Variants in SERPINB7 observed in about 807,000 individuals in gnomAD.
The protein encoded by SERPINB7 is serpin family B member 7, also known as serpin B7.
A neutral mutation model predicts 37.4 loss-of-function variants in SERPINB7; 31 were observed. The observed-to-expected ratio is 0.83, with a 90% CI of 0.62 to 1.12. The LOEUF (loss-of-function observed/expected upper bound fraction) is 1.12, where lower values mean the gene tolerates loss of function less well. Among genes scored for constraint, SERPINB7 ranks in the 50% most tolerant of loss-of-function variants. SERPINB7 has a pLI of 0.00. For synonymous variants in SERPINB7, 163 were observed against 166.1 expected (o/e 0.98, Z 0.14); for missense variants, 521 against 455.3 (o/e 1.14, Z -1.31).
chr18:63,788,967 T>A (rs891491308), intron 2 of SERPINB7, among the ~76,000 whole-genome samples: 3 of 152,150 alleles, frequency 2.0e-5, no homozygotes, highest in Non-Finnish European at 4.4e-5. Flanking sequence ...ACCATACATT[T>A]CTCAGAAAGA....
upstream of SERPINB7, among the ~76,000 whole-genome samples, chr18:63,771,187 T>C (rs2049209218): frequency 6.6e-6 from 1 of 152,040 alleles, no homozygotes; most frequent in Non-Finnish European, 1.5e-5. Context: ...GAAAGGTATT[T>C]AGTTGCTGAT....
chr18:63,803,600 A>G (rs938483680), intron 7 of SERPINB7, among the ~76,000 whole-genome samples: 22 of 152,198 alleles, frequency 1.4e-4, no homozygotes, highest in Admixed American at 3.9e-4. Context: ...TAGCTGTGTA[A>G]CTAAGGTTGC....
chr18:63,783,117 G>A (rs1251363682), intron 2 of SERPINB7, among the ~76,000 whole-genome samples: 1 of 151,356 alleles, frequency 6.6e-6, no homozygotes, highest in Non-Finnish European at 1.5e-5. Context: ...CAGCCTGGGC[G>A]ACAGAGCGAG....
At chr18:63,779,663 A>G (rs1372044181) in intron 1 of SERPINB7, among the ~76,000 whole-genome samples, 2 of 151,868 alleles carry the variant, frequency 1.3e-5, no homozygotes, top group Non-Finnish European at 2.9e-5. Flanking sequence ...TTTCTCTGCC[A>G]TAAAACTTAC....
chr18:63,759,257 A>G (rs1332545900), intron 1 of SERPINB7, among the ~76,000 whole-genome samples: 2 of 149,894 alleles, frequency 1.3e-5, no homozygotes, highest in African/African-American at 5.1e-5. Flanking sequence ...AAAAAAAAAA[A>G]AGTGAGTAGG....
At chr18:63,791,355 C>G (rs1387036183) in intron 2 of SERPINB7, among the ~76,000 whole-genome samples, 1 of 152,054 alleles carries the variant, frequency 6.6e-6, no homozygotes, top group East Asian at 1.9e-4. Context: ...TTAAGTAAAA[C>G]AGTGCTTTTT....
intron 1 of SERPINB7, among the ~76,000 whole-genome samples, chr18:63,754,993 G>A (rs1271207020): frequency 1.4e-5 from 2 of 143,586 alleles, no homozygotes; most frequent in Non-Finnish European, 3.0e-5. Context: ...TCCGCTTCCC[G>A]GGTTCACGCC....
Position 63,783,191 on chromosome 18 carries a change from AGAGAGAGAGAGAG to A in SERPINB7, c.168+652_168+664del, listed in dbSNP as rs2049321338. On this transcript the variant is annotated intron_variant, in intron 2 of 7. Transcript: ENST00000398019. ...AGAAAATAAAGAAAGAAAGAAAGAG[AGAGAGAGAGAGAG>A]AGAGAGAGAGAGAGAGAGAGAGAGA... is the stretch of plus-strand genomic sequence containing the variant. Among the ~76,000 whole-genome samples the A allele has an allele frequency of 1.1e-3, 68 of 61,930 alleles. 2 individuals are homozygous for A. Among genetic ancestry groups the A allele is most frequent in the African/African-American group, 4.4e-3 (65 of 14,620 alleles). The allele number at this position is 61,930 out of a possible 152,430, so 40.6% of individuals were successfully genotyped here.
At chr18:63,793,534 G>C (rs1254927227) in intron 4 of SERPINB7, among the ~76,000 whole-genome samples, 1 of 152,168 alleles carries the variant, frequency 6.6e-6, no homozygotes, top group Non-Finnish European at 1.5e-5. Flanking sequence ...GGGATGCTGA[G>C]CTGTAAATGG....
chr18:63,771,479 C>T (rs564634084), upstream of SERPINB7, among the ~76,000 whole-genome samples: 13 of 152,054 alleles, frequency 8.5e-5, no homozygotes, highest in South Asian at 1.7e-3. Context: ...TTAATAGTTT[C>T]CTAATCTTAT....
chr18:63,755,661 G>A (rs1236696931), intron 1 of SERPINB7, among the ~76,000 whole-genome samples: 1 of 152,148 alleles, frequency 6.6e-6, no homozygotes, highest in Non-Finnish European at 1.5e-5. Context: ...GGGAGACTGA[G>A]GTGGGAGGAT....
intron 1 of SERPINB7, among the ~76,000 whole-genome samples, chr18:63,764,380 T>A (rs1352104541): frequency 1.3e-5 from 2 of 152,190 alleles, no homozygotes; most frequent in Non-Finnish European, 2.9e-5. Context: ...GACAAAGTGG[T>A]TTGGCCCTTT....
At chr18:63,800,010 T>C (rs1305918475) in intron 6 of SERPINB7, among the ~76,000 whole-genome samples, 3 of 152,124 alleles carry the variant, frequency 2.0e-5, no homozygotes, top group Non-Finnish European at 4.4e-5. Context: ...CATTATCAAA[T>C]ACCTTGCAGG....
At chr18:63,801,201 T>C (rs2049545140) in intron 7 of SERPINB7, among the ~76,000 whole-genome samples, 189 bp downstream of exon 7, 1 of 152,212 alleles carries the variant, frequency 6.6e-6, no homozygotes, top group Non-Finnish European at 1.5e-5. Context: ...TTGCTGAGAT[T>C]GACTTAACTC....
chr18:63,784,216 A>G (rs2049342148), intron 2 of SERPINB7, among the ~76,000 whole-genome samples: 1 of 152,190 alleles, frequency 6.6e-6, no homozygotes, highest in Admixed American at 6.5e-5. Flanking sequence ...CAAACTCAGG[A>G]TGATCTTCTA....
intron 1 of SERPINB7, among the ~76,000 whole-genome samples, chr18:63,763,947 G>A (rs1386503310): frequency 2.6e-5 from 4 of 152,156 alleles, no homozygotes; most frequent in East Asian, 1.9e-4. Flanking sequence ...AAAAGAACAA[G>A]TTCGACCTGT....
chr18:63,770,044 C>T (rs976906573), intron 1 of SERPINB7, among the ~76,000 whole-genome samples: 2 of 148,226 alleles, frequency 1.3e-5, no homozygotes, highest in Admixed American at 6.7e-5. Context: ...AGGACATTGC[C>T]GCTTCTGCTT....
In SERPINB7 at chr18:63,797,420, A is replaced by C. The variant is rs80236412; in HGVS notation, c.454+1037A>C. ...ATATATAGCACTTATAAATCAAGAC[A>C]AACTATGTAATTATTACTCTTCTAA... On this transcript the variant is annotated intron_variant, in intron 5 of 7. Coordinates refer to ENST00000398019, the MANE Select transcript of SERPINB7 (RefSeq NM_003784.4). 7.1e-4 allele frequency among the ~76,000 whole-genome samples: 108 copies of C among 152,326 alleles called. 1 individual carries two copies. The East Asian group carries it at 0.018, about 25-fold the overall frequency.
At chr18:63,753,491 C>G (rs981452593) in intron 1 of SERPINB7, among the ~76,000 whole-genome samples, 1 of 152,180 alleles carries the variant, frequency 6.6e-6, no homozygotes, top group Non-Finnish European at 1.5e-5. Context: ...ATAGCTCATA[C>G]ACCAACTATA....
Sources: allele counts gnomAD v4.1 joint callset (sites outside exome capture counted in the v4.1 genomes callset), GRCh38; gene constraint gnomAD v4.1.1; transcripts MANE v1.5; gene names NCBI Gene and HGNC (gene_info 2026-07-23, HGNC 2026-07-21).